ZSWIM5: variants seen among roughly 807,000 people sequenced by gnomAD.
ZSWIM5 encodes the protein zinc finger SWIM domain-containing protein 5.
Under a neutral mutation model 119.6 loss-of-function variants are expected in ZSWIM5, and 55 were observed. The ratio of observed to expected loss-of-function variants is 0.46; its 90% CI spans 0.37 to 0.58. The LOEUF (loss-of-function observed/expected upper bound fraction) is 0.58. Among genes scored for constraint, ZSWIM5 ranks in the 20% least tolerant of loss-of-function variants. ZSWIM5 has a pLI of 0.00. For synonymous variants in ZSWIM5, 537 were observed against 606.9 expected, an observed-to-expected ratio of 0.88 and a Z score of 1.69; for missense variants, 1,193 against 1,512.8, an observed-to-expected ratio of 0.79 and a Z score of 3.51.
At chr1:45,055,009 T>C (rs1162250432) in intron 4 of ZSWIM5, among the ~76,000 whole-genome samples, 1 of 152,132 alleles carries the variant, frequency 6.6e-6, no homozygotes. Context: ...GTATTTTTTT[T>C]AAGATGGAGT....
rs763479350 is a variant in ZSWIM5, at chr1:45,156,721, T to TAA, written c.595+49033_595+49034dup. 6.4e-5 allele frequency among the ~76,000 whole-genome samples: 8 copies of TAA among 124,616 alleles called. No individual in the cohort carries two copies. The South Asian group carries it at 1.2e-3, about 19-fold the overall frequency. 81.8% of individuals were successfully genotyped at this position (124,616 alleles called of 152,430 possible). On this transcript the variant is annotated intron_variant, in intron 1 of 13. Coordinates refer to ENST00000359600, the MANE Select transcript of ZSWIM5 (RefSeq NM_020883.2). ...CATATGTCGGGGTAGTGTGGGAAGT[T>TAA]AAAAAAAAAAAAAAAAAGAACACAC... is the stretch of plus-strand genomic sequence containing the variant.
In ZSWIM5 at chr1:45,034,437, C is replaced by T; in HGVS notation, c.2324G>A (p.Gly775Asp). 6.2e-7 allele frequency: 1 copy of T among 1,611,190 alleles called. No individual in the cohort carries two copies. The highest frequency in any genetic ancestry group is 8.5e-7 in the Non-Finnish European group (1 of 1,178,772). The change falls in exon 11 of 14, where the codon GGC becomes GAC. Residue 775 changes from glycine to aspartate, a missense_variant. Physicochemically the swap from Gly to Asp is moderately conservative, Grantham distance 94 (BLOSUM62 -1). This residue lies in a region of ZSWIM5 where 961 missense variants were observed against 1,290.0 expected (regional missense o/e 0.74). Transcript: ENST00000359600. ...LPVLENSASA[G>D]DTSHPHHMVS... ...CATATGGTGAGGGTGGGATGTGTCGCCTGCAGAAGCTGAGTTTTCTAAAAC... is the reference window on the plus strand; with the variant it reads ...CATATGGTGAGGGTGGGATGTGTCGTCTGCAGAAGCTGAGTTTTCTAAAAC...
intron 1 of ZSWIM5, among the ~76,000 whole-genome samples, chr1:45,090,595 C>CA (rs891737888): frequency 2.7e-5 from 4 of 149,492 alleles, no homozygotes; most frequent in African/African-American, 7.4e-5. Flanking sequence ...TACAAAAAAT[C>CA]AAAAAAATTT....
At position 45,018,386 on chromosome 1, in the gene ZSWIM5, A is replaced by C; in HGVS notation, c.*68T>G. On this transcript the variant is annotated 3_prime_UTR_variant, in exon 14 of 14. Coordinates refer to ENST00000359600, the MANE Select transcript of ZSWIM5 (RefSeq NM_020883.2). The surrounding 1 kb of genome is among the most constrained non-coding windows in gnomAD (Gnocchi z 6.7). ...TTCTCTCAGGGTGGACAAATGTTTC[A>C]GTGCCCTTGGCCTGACCTGATACTA... 1 of 1,553,348 alleles carries C rather than the reference A, an allele frequency of 6.4e-7. No homozygotes were observed. The highest frequency in any genetic ancestry group is 8.7e-7 in the Non-Finnish European group (1 of 1,149,220).
intron 1 of ZSWIM5, among the ~76,000 whole-genome samples, chr1:45,119,891 C>T (rs553982939): frequency 1.3e-5 from 2 of 152,246 alleles, no homozygotes; most frequent in African/African-American, 2.4e-5. Flanking sequence ...ATTGTTCTAC[C>T]GACAAAATTA....
intron 2 of ZSWIM5, among the ~76,000 whole-genome samples, chr1:45,076,343 GTCTT>G (rs199953348): frequency 0.021 from 3,134 of 152,232 alleles, 113 homozygotes; most frequent in African/African-American, 0.072. Context: ...GTCTGGGAAA[GTCTT>G]TATTTCTCCT....
chr1:45,142,037 C>T (rs907924134), intron 1 of ZSWIM5, among the ~76,000 whole-genome samples: 21 of 152,002 alleles, frequency 1.4e-4, no homozygotes, highest in African/African-American at 4.8e-4. Context: ...GGTGAAACTT[C>T]ATCTCTACAA....
At chr1:45,086,625 G>A (rs961478140) in intron 2 of ZSWIM5, among the ~76,000 whole-genome samples, 2 of 152,074 alleles carry the variant, frequency 1.3e-5, no homozygotes, top group South Asian at 2.1e-4. Flanking sequence ...ACACCCCGGG[G>A]GCTGTCGCGG....
At chr1:45,079,960 G>A (rs1645279486) in intron 2 of ZSWIM5, among the ~76,000 whole-genome samples, 1 of 151,920 alleles carries the variant, frequency 6.6e-6, no homozygotes, top group Non-Finnish European at 1.5e-5. Flanking sequence ...GACTCTGACT[G>A]GTGCCCTATC....
intron 2 of ZSWIM5, among the ~76,000 whole-genome samples, chr1:45,078,466 A>C (rs546308888): frequency 6.6e-6 from 1 of 152,306 alleles, no homozygotes; most frequent in Admixed American, 6.5e-5. Flanking sequence ...ATCTGGAAGA[A>C]TTCTCTGGGC....
At chr1:45,059,196 T>C (rs1570040145) in intron 3 of ZSWIM5, among the ~76,000 whole-genome samples, 1 of 152,334 alleles carries the variant, frequency 6.6e-6, no homozygotes, top group East Asian at 1.9e-4. Context: ...AGAATGTTTA[T>C]AGCAGCACTA....
At chr1:45,110,138 A>AT (rs1278817538) in intron 1 of ZSWIM5, among the ~76,000 whole-genome samples, 2 of 152,200 alleles carry the variant, frequency 1.3e-5, no homozygotes, top group Non-Finnish European at 2.9e-5. Context: ...AAGTGCTGGG[A>AT]TTATAGATGT....
At chr1:45,180,690 G>A (rs947337121) in intron 1 of ZSWIM5, among the ~76,000 whole-genome samples, 12 of 152,098 alleles carry the variant, frequency 7.9e-5, no homozygotes, top group Non-Finnish European at 5.9e-5. Flanking sequence ...CCCCCAGTAG[G>A]GGCAGACTGA....
At chr1:45,188,665 T>C (rs1461739521) in intron 1 of ZSWIM5, among the ~76,000 whole-genome samples, 2 of 152,296 alleles carry the variant, frequency 1.3e-5, no homozygotes, top group East Asian at 3.9e-4. Flanking sequence ...GACTACAAAG[T>C]CTTCAGGGAC....
At chr1:45,105,935 C>T (rs1645472016) in intron 1 of ZSWIM5, among the ~76,000 whole-genome samples, 2 of 133,706 alleles carry the variant, frequency 1.5e-5, no homozygotes, top group South Asian at 5.0e-4. Context: ...GCGCCTCTGC[C>T]CAGTTGCCCC....
At position 45,043,261 on chromosome 1, in the gene ZSWIM5, C is replaced by T; in HGVS notation, c.1567G>A (p.Glu523Lys). The change falls in exon 6 of 14, where the codon GAA becomes AAA. Residue 523 changes from glutamate to lysine, a missense_variant. Physicochemically the swap from Glu to Lys is moderately conservative, Grantham distance 56. Around this residue, in one of 2 missense-constraint regions of ZSWIM5, gnomAD observed 961 missense variants for 1,290.0 expected, o/e 0.74. Coordinates refer to ENST00000359600, the MANE Select transcript of ZSWIM5 (RefSeq NM_020883.2). Reference sequence around the variant, plus strand: ...CCTTGGGAATTAAAGAGTAGTCTTTCACTTTCCCGCTGGCAGGCAGGAGCT... The same window carrying T: ...CCTTGGGAATTAAAGAGTAGTCTTTTACTTTCCCGCTGGCAGGCAGGAGCT... ...YTAPACQRESERLLFNSQGQP... is the reference protein window; with the variant it reads ...YTAPACQRESKRLLFNSQGQP... 2 of 1,614,092 alleles carry T rather than the reference C, an allele frequency of 1.2e-6. No individual in the cohort carries two copies. The highest frequency in any genetic ancestry group is 1.7e-6 in the Non-Finnish European group (2 of 1,179,982).
At chr1:45,020,038 T>A in intron 13 of ZSWIM5, 28 bp downstream of exon 13, 2 of 1,604,494 alleles carry the variant, frequency 1.2e-6, no homozygotes, top group Non-Finnish European at 1.7e-6. Flanking sequence ...TCCTTTCCCC[T>A]GGGGGTAGAG....
In ZSWIM5 at chr1:45,020,545, G is replaced by T. The variant is rs993876298; in HGVS notation, c.2613+80C>A. On this transcript the variant is annotated intron_variant, in intron 12 of 13. Transcript: ENST00000359600. ...AAGAGCCAGACTTGGCCTATGCCCA[G>T]TCTCCCAGAGATCTTATCTTCTGCC... 4 of 1,515,240 alleles carry T rather than the reference G, an allele frequency of 2.6e-6. No individual in the cohort carries two copies. In the South Asian group the frequency reaches 5.0e-5, roughly 19 times the overall value. 93.9% of individuals were successfully genotyped at this position (1,515,240 alleles called of 1,614,324 possible). A position where few individuals can be genotyped will look rare whatever the true frequency, so the allele number is the denominator to read the frequency against.
chr1:45,155,888 G>A (rs1023480567), intron 1 of ZSWIM5, among the ~76,000 whole-genome samples: 6 of 152,156 alleles, frequency 3.9e-5, no homozygotes, highest in Non-Finnish European at 5.9e-5. Context: ...TGGGGGGAAA[G>A]AGTGGGAAGT....
Sources: gnomAD v4.1 joint callset for allele counts (sites outside exome capture counted in the v4.1 genomes callset) on GRCh38, gnomAD v4.1.1 for gene constraint, gnomAD v4.1.1 regional missense constraint, Gnocchi (gnomAD v3.1) non-coding constraint, MANE v1.5 for transcripts, NCBI Gene and HGNC (gene_info 2026-07-23, HGNC 2026-07-21) for gene names.